The following NFAT5 variants were observed in gnomAD, a reference collection of about 807,000 sequenced individuals.
NFAT5 encodes nuclear factor of activated T-cells 5.
In NFAT5, 31 loss-of-function variants were observed where a neutral mutation model predicts 166.5. That is an observed-to-expected ratio of 0.19 (90% CI 0.14 to 0.25). The LOEUF (loss-of-function observed/expected upper bound fraction) is 0.25. Ranked by LOEUF, NFAT5 falls within the 10% of genes least tolerant of loss-of-function variation. The probability of loss-of-function intolerance (pLI) is 1.00; values close to 1 mark genes in which losing one functional copy is unlikely to be tolerated. For missense variants in NFAT5, 1,449 were observed against 1,821.8 expected (o/e 0.80, Z 3.72); for synonymous variants, 612 against 639.7 (o/e 0.96, Z 0.65).
At chr16:69,590,118 G>A (rs950116376) in intron 2 of NFAT5, among the ~76,000 whole-genome samples, 2 of 152,158 alleles carry the variant, frequency 1.3e-5, no homozygotes, top group Non-Finnish European at 2.9e-5. Flanking sequence ...AGGTTACAGT[G>A]AACTATGATC....
chr16:69,660,435 AAG>A (rs1372501609), intron 7 of NFAT5, among the ~76,000 whole-genome samples: 1 of 152,244 alleles, frequency 6.6e-6, no homozygotes, highest in Non-Finnish European at 1.5e-5. Flanking sequence ...CTCAAAAAAA[AAG>A]AAAGTAATTT....
intron 2 of NFAT5, among the ~76,000 whole-genome samples, chr16:69,569,295 A>AAG (rs1187721049): frequency 6.6e-5 from 10 of 151,850 alleles, no homozygotes; most frequent in African/African-American, 2.2e-4. Flanking sequence ...CATTGTAGAG[A>AAG]AGAGAAACTA....
intron 13 of NFAT5, 44 bp from the exon 14 acceptor site, chr16:69,695,092 G>A: frequency 2.9e-6 from 4 of 1,367,570 alleles, no homozygotes; most frequent in Non-Finnish European, 4.2e-6. Flanking sequence ...TGTTTCTGCA[G>A]ACTGTAGTCA....
chr16:69,660,608 AATATT>A (rs1439014438), intron 7 of NFAT5, among the ~76,000 whole-genome samples: 2 of 152,170 alleles, frequency 1.3e-5, no homozygotes, highest in Non-Finnish European at 2.9e-5. Context: ...TATTAATTAT[AATATT>A]ATAGTATAGT....
chr16:69,585,651 G>A (rs1260710769), intron 2 of NFAT5, among the ~76,000 whole-genome samples: 1 of 152,170 alleles, frequency 6.6e-6, no homozygotes, highest in Non-Finnish European at 1.5e-5. Flanking sequence ...TCACCCTTAA[G>A]AAGGAATGAA....
intron 3 of NFAT5, among the ~76,000 whole-genome samples, chr16:69,633,740 A>G (rs1226460121): frequency 1.3e-5 from 2 of 152,208 alleles, no homozygotes; most frequent in Non-Finnish European, 2.9e-5. Flanking sequence ...TTTCAGCTAG[A>G]TAGAAGAAAT....
intron 2 of NFAT5, among the ~76,000 whole-genome samples, chr16:69,619,879 C>G (rs917603195): frequency 1.3e-5 from 2 of 152,164 alleles, no homozygotes; most frequent in African/African-American, 4.8e-5. Flanking sequence ...TTTCTTCTCT[C>G]TCACTGTCCT....
chr16:69,576,383 A>T (rs1277828392), intron 2 of NFAT5, among the ~76,000 whole-genome samples: 1 of 152,038 alleles, frequency 6.6e-6, no homozygotes, highest in Non-Finnish European at 1.5e-5. Context: ...GTATAAAAAG[A>T]ATAGTTTGTG....
chr16:69,639,328 A>G (rs1466820236), intron 3 of NFAT5, among the ~76,000 whole-genome samples: 3 of 152,320 alleles, frequency 2.0e-5, no homozygotes, highest in African/African-American at 7.2e-5. Context: ...TCTAAGTTTC[A>G]GGATAAGCAT....
chr16:69,676,128 C>T (rs2036823181), intron 9 of NFAT5, among the ~76,000 whole-genome samples: 1 of 152,206 alleles, frequency 6.6e-6, no homozygotes. Flanking sequence ...TCACCCTCAG[C>T]TGTCAGCTTC....
chr16:69,662,450 C>CTTTCT (rs1399691895), intron 7 of NFAT5, among the ~76,000 whole-genome samples: 1 of 96,998 alleles, frequency 1.0e-5, no homozygotes, highest in African/African-American at 3.9e-5. Flanking sequence ...ACACCTCTTT[C>CTTTCT]TTTTTTTTTT....
chr16:69,586,388 C>T (rs1165626186), intron 2 of NFAT5, among the ~76,000 whole-genome samples: 1 of 151,952 alleles, frequency 6.6e-6, no homozygotes, highest in African/African-American at 2.4e-5. Flanking sequence ...GACATATTAA[C>T]CTTGTTTAGA....
chr16:69,682,293 C>CA (rs1291433171), intron 10 of NFAT5, among the ~76,000 whole-genome samples: 30 of 111,936 alleles, frequency 2.7e-4, no homozygotes, highest in African/African-American at 1.2e-3. Context: ...TAATATTTAA[C>CA]ATTTTTTTTT....
chr16:69,645,364 A>G (rs1210247514), intron 3 of NFAT5, among the ~76,000 whole-genome samples: 3 of 152,186 alleles, frequency 2.0e-5, no homozygotes, highest in African/African-American at 7.2e-5. Context: ...AACTGGTATC[A>G]TCTAATTTCT....
intron 2 of NFAT5, among the ~76,000 whole-genome samples, chr16:69,584,320 C>CT (rs544753398): frequency 0.13 from 17,563 of 139,614 alleles, 1,137 homozygotes; most frequent in Non-Finnish European, 0.15. Context: ...TTCTGTGTCT[C>CT]TTTTTTTTTT....
intron 6 of NFAT5, among the ~76,000 whole-genome samples, chr16:69,658,682 G>A (rs1318716071): frequency 1.3e-5 from 2 of 150,842 alleles, no homozygotes; most frequent in African/African-American, 4.9e-5. Flanking sequence ...ACAAAAGTGA[G>A]CTGGAGTGGT....
chr16:69,576,607 C>G (rs757256061), intron 2 of NFAT5, among the ~76,000 whole-genome samples: 60 of 152,102 alleles, frequency 3.9e-4, no homozygotes, highest in Non-Finnish European at 5.9e-5. Flanking sequence ...CAGTGGCTCA[C>G]GCCTGTAATC....
chr16:69,631,281 A>C (rs1209188680), intron 3 of NFAT5, among the ~76,000 whole-genome samples: 1 of 152,046 alleles, frequency 6.6e-6, no homozygotes, highest in East Asian at 1.9e-4. Flanking sequence ...AAATACAAAA[A>C]TTAGCTGGGC....
At chr16:69,653,483 A>C in intron 5 of NFAT5, 55 bp downstream of exon 5, 2 of 1,083,020 alleles carry the variant, frequency 1.8e-6, no homozygotes, top group Non-Finnish European at 2.5e-6. Flanking sequence ...GGGAATGAGA[A>C]TATGTCCTGA....
Sources: allele counts gnomAD v4.1 joint callset (sites outside exome capture counted in the v4.1 genomes callset), GRCh38; gene constraint gnomAD v4.1.1; transcripts MANE v1.5; gene names NCBI Gene and HGNC (gene_info 2026-07-23, HGNC 2026-07-21).